NDUFB10: variants seen among roughly 807,000 people sequenced by gnomAD.
NDUFB10 encodes the protein NADH dehydrogenase [ubiquinone] 1 beta subcomplex subunit 10.
A neutral mutation model predicts 19.0 loss-of-function variants in NDUFB10; 23 were observed. The ratio of observed to expected loss-of-function variants is 1.21; its 90% confidence interval spans 0.87 to 1.71. The LOEUF is 1.71. Among genes scored for constraint, NDUFB10 ranks in the 40% most tolerant of loss-of-function variants. The probability of loss-of-function intolerance (pLI) is 0.00; values close to 1 mark genes in which losing one functional copy is unlikely to be tolerated. For missense variants in NDUFB10, 312 were observed against 230.6 expected, an observed-to-expected ratio of 1.35 and a Z score of -2.29; for synonymous variants, 104 against 81.8, an observed-to-expected ratio of 1.27 and a Z score of -1.46.
intron 1 of NDUFB10, 88 bp downstream of exon 1, chr16:1,959,842 G>T (rs896688988): frequency 1.0e-5 from 16 of 1,550,914 alleles, no homozygotes; most frequent in Non-Finnish European, 1.4e-5. Flanking sequence ...TGCCTCCGGG[G>T]TCCCGTCTGC....
Position 1,960,990 on chromosome 16 carries a change from CCTGG to C in NDUFB10, c.131-157_131-154del, listed in dbSNP as rs560807094. Among the ~76,000 whole-genome samples, 9 of 152,360 alleles carry C rather than the reference CCTGG, an allele frequency of 5.9e-5. No homozygotes were observed. In the South Asian group the frequency reaches 1.9e-3, roughly 32 times the overall value. On this transcript the variant is annotated intron_variant, in intron 1 of 3. Coordinates refer to ENST00000268668, the MANE Select transcript of NDUFB10 (RefSeq NM_004548.3). ...TGTAGCCTAGGCCTTCACAGGCCTG[CCTGG>C]CTGGCCACATCCCTTAGAGAGACGA...
Position 1,961,504 on chromosome 16 carries a change from G to A in NDUFB10, c.277G>A (p.Asp93Asn), listed in dbSNP as rs140580390. ...EMQWKRDYKV[D>N]QEIINIMQDR... The stretch of plus-strand genomic sequence containing the variant: ...GCTCCTTTTCTCCACCAGCAAAGTC[G>A]ACCAAGAAATTATCAACATTATGCA... The change falls in exon 3 of 4, where the codon GAC (aspartate) becomes AAC (asparagine). Residue 93 changes from aspartate (D) to asparagine (N), a missense_variant. Coordinates refer to ENST00000268668, the MANE Select transcript of NDUFB10 (RefSeq NM_004548.3). 2.5e-5 allele frequency: 40 copies of A among 1,613,842 alleles called. No homozygotes were observed. The highest frequency in any genetic ancestry group is 3.1e-5 in the Non-Finnish European group (37 of 1,179,996).
rs748320073 is a variant in NDUFB10, at chr16:1,961,249, TCATGTG to T, written c.233_238del (p.Cys78_Met79del). On this transcript the variant is annotated inframe_deletion, in exon 2 of 4. Coordinates refer to ENST00000268668, the MANE Select transcript of NDUFB10 (RefSeq NM_004548.3). ...ATCACTGAGTGCAAGGAGGAGGACATCATGTGCATGTATGAAGCCGAAATGCAGTGG... is the reference window on the plus strand; with the variant it reads ...ATCACTGAGTGCAAGGAGGAGGACATCATGTATGAAGCCGAAATGCAGTGG... The T allele has an allele frequency of 3.1e-6, 5 of 1,614,028 alleles. No individual in the cohort carries two copies.
At chr16:1,959,884 A>G (rs2083242225) in intron 1 of NDUFB10, 130 bp downstream of exon 1, 10 of 1,255,238 alleles carry the variant, frequency 8.0e-6, no homozygotes, top group African/African-American at 1.6e-5. Flanking sequence ...CCCCGGGGAC[A>G]ACTCCCCACC....
Position 1,961,535 on chromosome 16 carries a change from G to C in NDUFB10, c.308G>C (p.Arg103Pro), listed in dbSNP as rs370426632. Residue 103 changes from arginine (R) to proline (P), a missense_variant, in exon 3 of 4, where the codon CGG (arginine) becomes CCG (proline). Arg to Pro is a moderately radical substitution (Grantham distance 103). Transcript: ENST00000268668. ...DQEIINIMQD[R>P]LKACQQREGQ... The stretch of plus-strand genomic sequence containing the variant: ...GAAATTATCAACATTATGCAGGATC[G>C]GCTCAAAGCCTGTCAGCAGAGGGAA... The C allele has an allele frequency of 1.2e-6, 2 of 1,614,020 alleles. No individual in the cohort carries two copies. Among genetic ancestry groups the C allele is most frequent in the African/African-American group, 1.3e-5 (1 of 75,008 alleles).
In NDUFB10 at chr16:1,961,965, C is replaced by T. The variant is rs916297130; in HGVS notation, c.*59C>T. 9.2e-5 allele frequency: 138 copies of T among 1,495,526 alleles called. No homozygotes were observed. The highest frequency in any genetic ancestry group is 1.4e-4 in the Admixed American group (7 of 50,818). The allele number at this position is 1,495,526 out of a possible 1,614,324, so 92.6% of individuals were successfully genotyped here. Reference sequence around the variant, plus strand: ...TATGACTGTTGCTGAAATATAAAGCCCTGCAACCTGCCTGTGTGTCTGGTG... The same window carrying T: ...TATGACTGTTGCTGAAATATAAAGCTCTGCAACCTGCCTGTGTGTCTGGTG... On this transcript the variant is annotated 3_prime_UTR_variant, in exon 4 of 4. Transcript: ENST00000268668.
chr16:1,959,795 G>A (rs766566874), intron 1 of NDUFB10, 41 bp downstream of exon 1: 2 of 1,609,000 alleles, frequency 1.2e-6, no homozygotes, highest in African/African-American at 2.7e-5. Context: ...CGGCCTCTGG[G>A]GACCCCTGGA....
chr16:1,959,542 C>A lies in NDUFB10; in HGVS notation c.-83C>A. Reference sequence around the variant, plus strand: ...CAGCCGCCCTCGGCGTCCTCTGTAGCGGGCGACCTAGGCCGCGGGACCCGG... The same window carrying A: ...CAGCCGCCCTCGGCGTCCTCTGTAGAGGGCGACCTAGGCCGCGGGACCCGG... On this transcript the variant is annotated 5_prime_UTR_variant, in exon 1 of 4. Coordinates refer to ENST00000268668, the MANE Select transcript of NDUFB10 (RefSeq NM_004548.3). 2 of 1,476,342 alleles carry A rather than the reference C, an allele frequency of 1.4e-6. No homozygotes were observed. The highest frequency in any genetic ancestry group is 2.4e-5 in the Admixed American group (1 of 42,444). The allele number at this position is 1,476,342 out of a possible 1,614,324, so 91.5% of individuals were successfully genotyped here.
rs188070434 is a variant in NDUFB10 at position 1,961,084 on chromosome 16, G to A, written c.131-69G>A. 3.4e-5 allele frequency: 54 copies of A among 1,571,676 alleles called. No individual in the cohort carries two copies. The East Asian group carries it at 3.6e-4, about 10-fold the overall frequency. On this transcript the variant is annotated intron_variant, in intron 1 of 3. Transcript: ENST00000268668. ...CCTCTCTCCCCTCCAAAGGGCTTAT[G>A]AGAAATAAGAAAGCTAAAAGCCTGT...
In NDUFB10 at chr16:1,961,523, T is replaced by C. The variant is rs1436524116; in HGVS notation, c.296T>C (p.Ile99Thr). 6.2e-7 allele frequency: 1 copy of C among 1,613,906 alleles called. No homozygotes were observed. The highest frequency in any genetic ancestry group is 1.3e-5 in the African/African-American group (1 of 74,890). Residue 99 changes from isoleucine to threonine, a missense_variant, in exon 3 of 4, where the codon ATT becomes ACT. Transcript: ENST00000268668. ...DYKVDQEIIN[I>T]MQDRLKACQQ... ...AAAGTCGACCAAGAAATTATCAACA[T>C]TATGCAGGATCGGCTCAAAGCCTGT... is the stretch of plus-strand genomic sequence containing the variant.
rs145224565 is a variant in NDUFB10 at position 1,961,201 on chromosome 16, G to T, written c.179G>T (p.Arg60Leu). Residue 60 changes from arginine to leucine, a missense_variant, in exon 2 of 4, where the codon CGG becomes CTG. Physicochemically the swap from Arg to Leu is moderately radical, Grantham distance 102. Coordinates refer to ENST00000268668, the MANE Select transcript of NDUFB10 (RefSeq NM_004548.3). Reference protein sequence around the residue: ...HAKNRYYYYHRQYRRVPDITE... With the variant: ...HAKNRYYYYHLQYRRVPDITE... ...AAGAACAGGTATTACTACTACCACC[G>T]GCAGTACCGCCGCGTGCCAGACATC... is the stretch of plus-strand genomic sequence containing the variant. 17 of 1,614,136 alleles carry T rather than the reference G, an allele frequency of 1.1e-5. No homozygotes were observed. Among genetic ancestry groups the T allele is most frequent in the Non-Finnish European group, 1.4e-5 (17 of 1,180,042 alleles).
chr16:1,959,588 A>T lies in NDUFB10; in HGVS notation c.-37A>T. On this transcript the variant is annotated 5_prime_UTR_variant, in exon 1 of 4. Coordinates refer to ENST00000268668, the MANE Select transcript of NDUFB10 (RefSeq NM_004548.3). ...CCCGGACGGAGGTAGAGGCCAGGGC[A>T]GCGCGTCCGGGAGCGGAGTCCGCGC... 1.3e-6 allele frequency: 2 copies of T among 1,585,866 alleles called. No individual in the cohort carries two copies. Among genetic ancestry groups the T allele is most frequent in the East Asian group, 4.6e-5 (2 of 43,520 alleles).
intron 1 of NDUFB10, 26 bp downstream of exon 1, chr16:1,959,780 C>G (rs199560913): frequency 1.4e-5 from 22 of 1,611,334 alleles, no homozygotes; most frequent in Middle Eastern, 1.6e-4. Context: ...CCGGGGCTCC[C>G]TCGCCGGCCT....
chr16:1,961,192 A>G lies in NDUFB10; in HGVS notation c.170A>G (p.Tyr57Cys), dbSNP rs1356753515. Residue 57 changes from tyrosine to cysteine, a missense_variant, in exon 2 of 4, where the codon TAC becomes TGC. Coordinates refer to ENST00000268668, the MANE Select transcript of NDUFB10 (RefSeq NM_004548.3). The part of the protein sequence containing the change: ...ERQHAKNRYY[Y>C]YHRQYRRVPD... ...CAGCACGCAAAGAACAGGTATTACT[A>G]CTACCACCGGCAGTACCGCCGCGTG... is the stretch of plus-strand genomic sequence containing the variant. The G allele has an allele frequency of 3.1e-6, 5 of 1,614,004 alleles. No individual in the cohort carries two copies. Among genetic ancestry groups the G allele is most frequent in the Admixed American group, 3.3e-5 (2 of 60,008 alleles).
At chr16:1,961,735 C>T (rs1398748327) in intron 3 of NDUFB10, 62 bp from the exon 4 acceptor site, 9 of 1,515,818 alleles carry the variant, frequency 5.9e-6, no homozygotes, top group Admixed American at 2.0e-5. Flanking sequence ...GCTCACTTGA[C>T]TTTGCCCCCT....
chr16:1,961,566 G>C lies in NDUFB10; in HGVS notation c.339G>C (p.Gln113His). 6.2e-7 allele frequency: 1 copy of C among 1,614,120 alleles called. No individual in the cohort carries two copies. The highest frequency in any genetic ancestry group is 8.5e-7 in the Non-Finnish European group (1 of 1,180,036). The change falls in exon 3 of 4, where the codon CAG becomes CAC. Residue 113 changes from glutamine (Q) to histidine (H), a missense_variant. Coordinates refer to ENST00000268668, the MANE Select transcript of NDUFB10 (RefSeq NM_004548.3). ...RLKACQQREG[Q>H]NYQQNCIKEV... ...AAGCCTGTCAGCAGAGGGAAGGACA[G>C]AACTACCAGCAGAACTGTATCAAGG... is the stretch of plus-strand genomic sequence containing the variant.
In NDUFB10 at chr16:1,961,236, AAGG is replaced by A. The variant is rs781628562; in HGVS notation, c.222_224del (p.Glu74del). On this transcript the variant is annotated inframe_deletion, in exon 2 of 4. Transcript: ENST00000268668. ...CCGCGTGCCAGACATCACTGAGTGCAAGGAGGAGGACATCATGTGCATGTATGA... is the reference window on the plus strand; with the variant it reads ...CCGCGTGCCAGACATCACTGAGTGCAAGGAGGACATCATGTGCATGTATGA... The A allele has an allele frequency of 1.2e-4, 188 of 1,614,102 alleles. No homozygotes were observed. The highest frequency in any genetic ancestry group is 6.6e-4 in the Middle Eastern group (4 of 6,062).
intron 1 of NDUFB10, 92 bp from the exon 2 acceptor site, chr16:1,961,059 CCT>C (rs1163091035): frequency 2.7e-6 from 4 of 1,454,744 alleles, no homozygotes; most frequent in Non-Finnish European, 3.7e-6. Flanking sequence ...AGGAAGTTCT[CCT>C]CTCTCCCCTC....
chr16:1,961,139 C>CT lies in NDUFB10; in HGVS notation c.131-11dup. The CT allele has an allele frequency of 6.2e-7, 1 of 1,613,402 alleles. No homozygotes were observed. Among genetic ancestry groups the CT allele is most frequent in the Non-Finnish European group, 8.5e-7 (1 of 1,179,694 alleles). ...ACCGATGAGGCATTTGAGTCTGTGG[C>CT]TTTGTCTTTGCAGAATTTATAGAGC... On this transcript the variant is annotated splice_polypyrimidine_tract_variant and intron_variant, in intron 1 of 3. Transcript: ENST00000268668.
Sources: gnomAD v4.1 joint callset for allele counts (sites outside exome capture counted in the v4.1 genomes callset) on GRCh38, gnomAD v4.1.1 for gene constraint, MANE v1.5 for transcripts, NCBI Gene and HGNC (gene_info 2026-07-23, HGNC 2026-07-21) for gene names.